Variants in DLEU7 observed in about 807,000 individuals in gnomAD.
DLEU7 encodes the protein leukemia-associated protein 7.
Under a neutral mutation model 16.0 loss-of-function variants are expected in DLEU7, and 17 were observed. That is an observed-to-expected ratio of 1.06 (90% CI 0.73 to 1.59). The LOEUF (loss-of-function observed/expected upper bound fraction) is 1.59. DLEU7 is among the 40% of genes most tolerant of loss of function. The probability of loss-of-function intolerance (pLI) is 0.00; values close to 1 mark genes in which losing one functional copy is unlikely to be tolerated. For synonymous variants in DLEU7, 113 were observed against 139.8 expected (o/e 0.81, Z 1.35); for missense variants, 308 against 314.9 (o/e 0.98, Z 0.17).
intron 1 of DLEU7, among the ~76,000 whole-genome samples, chr13:50,751,960 A>G (rs1248354421): frequency 6.9e-6 from 1 of 145,914 alleles, no homozygotes; most frequent in Admixed American, 6.8e-5. Context: ...GATCTTGGTT[A>G]CTTCCTTTCT....
intron 1 of DLEU7, among the ~76,000 whole-genome samples, chr13:50,731,976 T>G (rs1020353140): frequency 6.6e-6 from 1 of 152,234 alleles, no homozygotes; most frequent in African/African-American, 2.4e-5. Context: ...AAAAGAAAAT[T>G]ATATACACTC....
intron 1 of DLEU7, among the ~76,000 whole-genome samples, chr13:50,731,122 G>A (rs1380802056): frequency 2.0e-5 from 3 of 152,168 alleles, no homozygotes; most frequent in Non-Finnish European, 4.4e-5. Flanking sequence ...TGACCAGAGT[G>A]GTCGTCGGCC....
intron 1 of DLEU7, among the ~76,000 whole-genome samples, chr13:50,743,174 A>AAGGCAGGCAGGC (rs376860642): frequency 7.7e-6 from 1 of 129,444 alleles, no homozygotes; most frequent in East Asian, 2.5e-4. Context: ...GAGAAAGAAA[A>AAGGCAGGCAGGC]AGGCAGGCAG....
In DLEU7 at chr13:50,823,218, A is replaced by G; in HGVS notation, c.*96T>C. 2.0e-6 allele frequency: 3 copies of G among 1,500,684 alleles called. No homozygotes were observed. Among genetic ancestry groups the G allele is most frequent in the Non-Finnish European group, 2.7e-6 (3 of 1,124,928 alleles). The allele number at this position is 1,500,684 out of a possible 1,614,324, so 93.0% of individuals were successfully genotyped here. ...CATCAAGTCTTTCCCCTTTGGATAT[A>G]AAAATATCCATTGTCTGCTGACTCA... On this transcript the variant is annotated 3_prime_UTR_variant, in exon 2 of 2. Coordinates refer to ENST00000504404, the MANE Select transcript of DLEU7 (RefSeq NM_001306135.2).
intron 1 of DLEU7, among the ~76,000 whole-genome samples, chr13:50,794,643 G>A (rs540009509): frequency 1.3e-5 from 2 of 152,298 alleles, no homozygotes; most frequent in East Asian, 3.9e-4. Context: ...AGTTGTAGTA[G>A]ATTTGTTCTC....
intron 1 of DLEU7, among the ~76,000 whole-genome samples, chr13:50,754,653 C>G (rs778153174): frequency 5.9e-5 from 9 of 152,168 alleles, no homozygotes; most frequent in Non-Finnish European, 1.2e-4. Flanking sequence ...TTAAGTGGAG[C>G]ATTTAAGCCA....
intron 1 of DLEU7, among the ~76,000 whole-genome samples, chr13:50,827,098 G>C (rs1877110076): frequency 1.3e-5 from 2 of 152,122 alleles, no homozygotes; most frequent in Non-Finnish European, 2.9e-5. Flanking sequence ...TAAATCTAAA[G>C]AATTCATTGT....
chr13:50,792,879 A>C, intron 1 of DLEU7, among the ~76,000 whole-genome samples: 1 of 142,852 alleles, frequency 7.0e-6, no homozygotes, highest in Admixed American at 6.9e-5. Flanking sequence ...TTTTTTTTCC[A>C]ACTTTAATTT....
At chr13:50,711,918 G>A (rs1260062652) in exon 2 of DLEU7, 4 of 151,760 alleles carry the variant, frequency 2.6e-5, no homozygotes, top group Non-Finnish European at 4.4e-5. Flanking sequence ...AAAAATATTG[G>A]GGAAAGGAGA....
chr13:50,752,678 G>A (rs1466192561), intron 1 of DLEU7, among the ~76,000 whole-genome samples: 1 of 151,902 alleles, frequency 6.6e-6, no homozygotes, highest in East Asian at 1.9e-4. Flanking sequence ...GTCTGGAGTT[G>A]TTCATTCCTG....
intron 1 of DLEU7, among the ~76,000 whole-genome samples, chr13:50,751,715 T>A (rs1041146282): frequency 6.6e-6 from 1 of 152,230 alleles, no homozygotes; most frequent in Non-Finnish European, 1.5e-5. Context: ...CTAGTTTATA[T>A]GCATAAAGGT....
At chr13:50,752,576 G>A (rs1253568917) in intron 1 of DLEU7, among the ~76,000 whole-genome samples, 2 of 152,098 alleles carry the variant, frequency 1.3e-5, no homozygotes, top group Non-Finnish European at 2.9e-5. Context: ...TGTGTTCAGA[G>A]TTTCTTCCTT....
intron 1 of DLEU7, among the ~76,000 whole-genome samples, chr13:50,733,558 C>T (rs1458255539): frequency 6.6e-6 from 1 of 151,970 alleles, no homozygotes; most frequent in Admixed American, 6.5e-5. Flanking sequence ...ACCAGCTTCT[C>T]CCCACTCGTT....
chr13:50,746,275 T>A (rs1419378728), intron 1 of DLEU7, among the ~76,000 whole-genome samples: 1 of 152,192 alleles, frequency 6.6e-6, no homozygotes, highest in East Asian at 1.9e-4. Context: ...GTCCATTAAC[T>A]CTTTTGATTC....
intron 1 of DLEU7, among the ~76,000 whole-genome samples, chr13:50,777,728 A>G (rs1024163570): frequency 2.6e-5 from 4 of 152,156 alleles, no homozygotes; most frequent in African/African-American, 7.2e-5. Context: ...TTCTCTCATC[A>G]TTTAACAGGA....
intron 1 of DLEU7, among the ~76,000 whole-genome samples, chr13:50,837,188 C>T (rs1877500164): frequency 6.6e-6 from 1 of 152,196 alleles, no homozygotes; most frequent in Admixed American, 6.5e-5. Context: ...ATAACTAAGG[C>T]TCCTGATGCA....
chr13:50,740,359 C>G (rs558716814), intron 1 of DLEU7, among the ~76,000 whole-genome samples: 1 of 152,180 alleles, frequency 6.6e-6, no homozygotes, highest in Admixed American at 6.5e-5. Context: ...CAAAGACTTA[C>G]AAACCATAGG....
In DLEU7 at chr13:50,843,342, G is replaced by C; in HGVS notation, c.305C>G (p.Pro102Arg). 6.8e-7 allele frequency: 1 copy of C among 1,468,312 alleles called. No individual in the cohort carries two copies. The highest frequency in any genetic ancestry group is 9.0e-7 in the Non-Finnish European group (1 of 1,111,394). 91.0% of individuals were successfully genotyped at this position (1,468,312 alleles called of 1,614,324 possible). A position where few individuals can be genotyped will look rare whatever the true frequency, so the allele number is the denominator to read the frequency against. ...RGAEGGAELL[P>R]FPRDRGPCTL... ...GCAGGGCCCGCGGTCCCGGGGGAAGGGCAGCAACTCGGCGCCCCCCTCAGC... is the reference window on the plus strand; with the variant it reads ...GCAGGGCCCGCGGTCCCGGGGGAAGCGCAGCAACTCGGCGCCCCCCTCAGC... The change falls in exon 1 of 2, where the codon CCC becomes CGC. Residue 102 changes from proline (P) to arginine (R), a missense_variant. Physicochemically the swap from Pro to Arg is moderately radical, Grantham distance 103 (BLOSUM62 -2). Coordinates refer to ENST00000504404, the MANE Select transcript of DLEU7 (RefSeq NM_001306135.2). The surrounding 1 kb of genome is among the most constrained non-coding windows in gnomAD (Gnocchi z 5.7).
At chr13:50,770,790 A>G (rs1875280460) in intron 1 of DLEU7, among the ~76,000 whole-genome samples, 1 of 151,706 alleles carries the variant, frequency 6.6e-6, no homozygotes, top group Admixed American at 6.6e-5. Flanking sequence ...GCCTCATAAA[A>G]TGAAGGAGGA....
Sources: allele counts gnomAD v4.1 joint callset (sites outside exome capture counted in the v4.1 genomes callset), GRCh38; gene constraint gnomAD v4.1.1; non-coding constraint Gnocchi (gnomAD v3.1); transcripts MANE v1.5; gene names NCBI Gene and HGNC (gene_info 2026-07-23, HGNC 2026-07-21).